ZNF676: variants seen among roughly 807,000 people sequenced by gnomAD.
ZNF676 encodes the protein zinc finger protein 676.
ZNF676 carries 4 observed loss-of-function variants against 6.0 expected under a neutral mutation model. That is an observed-to-expected ratio of 0.67 (90% CI 0.33 to 1.53). ZNF676 has a LOEUF of 1.53. ZNF676 is among the 40% of genes most tolerant of loss of function. The pLI, the probability that ZNF676 is intolerant of heterozygous loss-of-function variation, is 0.06. For missense variants in ZNF676, 644 were observed against 679.7 expected, an observed-to-expected ratio of 0.95 and a Z score of 0.58; for synonymous variants, 198 against 223.1, an observed-to-expected ratio of 0.89 and a Z score of 1.00.
At chr19:22,215,054 AAAAAAACAAC>A (rs2024169546) in intron 1 of ZNF676, among the ~76,000 whole-genome samples, 1 of 117,384 alleles carries the variant, frequency 8.5e-6, no homozygotes, top group African/African-American at 3.9e-5. Context: ...AAAAAAAAAA[AAAAAAACAAC>A]AAAAAACCAG....
the ZNF676 span, among the ~76,000 whole-genome samples, chr19:22,233,584 T>A: frequency 6.6e-6 from 1 of 152,256 alleles, no homozygotes; most frequent in African/African-American, 2.4e-5. Context: ...AGTTTATTAA[T>A]CTTTCTTCTT....
Position 22,205,018 on chromosome 19 carries a change from A to C in ZNF676, c.4-8292T>G, listed in dbSNP as rs74254866. ...ATTTCTCATTTATATTTTCTCTTACAAAAGCCAGGTCTCTGGACAAGTTCT... is the reference window on the plus strand; with the variant it reads ...ATTTCTCATTTATATTTTCTCTTACCAAAGCCAGGTCTCTGGACAAGTTCT... On this transcript the variant is annotated intron_variant, in intron 1 of 3. Transcript: ENST00000650058. Among the ~76,000 whole-genome samples, 15 of 152,284 alleles carry C rather than the reference A, an allele frequency of 9.9e-5. No homozygotes were observed. In the East Asian group the frequency reaches 2.9e-3, roughly 29 times the overall value.
chr19:22,259,064 T>C, the ZNF676 span, among the ~76,000 whole-genome samples: 9 of 152,176 alleles, frequency 5.9e-5, no homozygotes, highest in Non-Finnish European at 1.2e-4. Context: ...CAACTCATCC[T>C]ATTGCTGGGT....
At position 22,181,510 on chromosome 19, in the gene ZNF676, T is replaced by C; in HGVS notation, c.207A>G (p.Arg69=). The stretch of plus-strand genomic sequence containing the variant: ...TCTCATGTCCACATTTGTCATATCT[T>C]CTCAATATCATTTTTTGGAAAGAAT... ...IEDSFQKMIL[R]RYDKCGHENL... is the part of the protein sequence containing the mutation. Residue 69 remains arginine, a synonymous_variant, in exon 3 of 3, where the codon AGA becomes AGG. Coordinates refer to ENST00000397121, the MANE Select transcript of ZNF676 (RefSeq NM_001001411.3). The C allele has an allele frequency of 6.2e-7, 1 of 1,612,302 alleles. No individual in the cohort carries two copies. Among genetic ancestry groups the C allele is most frequent in the Non-Finnish European group, 8.5e-7 (1 of 1,179,336 alleles).
intron 1 of ZNF676, among the ~76,000 whole-genome samples, chr19:22,212,069 G>A (rs1213733535): frequency 3.3e-5 from 5 of 151,528 alleles, no homozygotes; most frequent in African/African-American, 4.8e-5. Context: ...GTGTGGTGGC[G>A]GGTGCCTGTA....
intron 1 of ZNF676, among the ~76,000 whole-genome samples, chr19:22,212,867 C>T (rs1304187727): frequency 5.3e-5 from 8 of 151,740 alleles, no homozygotes; most frequent in East Asian, 1.9e-4. Context: ...TGTGGGTGCA[C>T]GCCTGTAGTC....
chr19:22,206,592 T>C (rs2024078604), intron 1 of ZNF676, among the ~76,000 whole-genome samples: 1 of 152,010 alleles, frequency 6.6e-6, no homozygotes, highest in Non-Finnish European at 1.5e-5. Context: ...GGAGAATCAC[T>C]TGAACCTGGG....
intron 2 of ZNF676, among the ~76,000 whole-genome samples, chr19:22,184,192 T>A (rs990208634): frequency 6.6e-6 from 1 of 152,112 alleles, no homozygotes; most frequent in Admixed American, 6.5e-5. Context: ...GAACAGTGGA[T>A]GCAGCTCATG....
intron 1 of ZNF676, among the ~76,000 whole-genome samples, chr19:22,213,473 C>T (rs2024151543): frequency 6.6e-6 from 1 of 152,188 alleles, no homozygotes; most frequent in African/African-American, 2.4e-5. Flanking sequence ...AAAAACAGGG[C>T]ACCAGTAGAT....
At chr19:22,196,150 C>A (rs1472734911) in intron 1 of ZNF676, among the ~76,000 whole-genome samples, 1 of 152,086 alleles carries the variant, frequency 6.6e-6, no homozygotes, top group African/African-American at 2.4e-5. Flanking sequence ...AGTGTTGTGA[C>A]CAACTCAGCA....
chr19:22,189,963 C>T lies in ZNF676; in HGVS notation c.130+3053G>A, dbSNP rs146662751. ...TCAGCCATTGTGGAAGACAATGTGGCGATTCCTCAAGGATCTAGAACTAGA... is the reference window on the plus strand; with the variant it reads ...TCAGCCATTGTGGAAGACAATGTGGTGATTCCTCAAGGATCTAGAACTAGA... On this transcript the variant is annotated intron_variant, in intron 2 of 2. Transcript: ENST00000397121. Among the ~76,000 whole-genome samples, 130 of 152,160 alleles carry T rather than the reference C, an allele frequency of 8.5e-4. 1 individual carries two copies. Among genetic ancestry groups the T allele is most frequent in the African/African-American group, 2.8e-3 (117 of 41,520 alleles).
intron 1 of ZNF676, chr19:22,203,286 TAG>T (rs1415492767): frequency 6.5e-6 from 1 of 153,370 alleles, no homozygotes; most frequent in African/African-American, 2.4e-5. Flanking sequence ...TGAGTCCAGA[TAG>T]AGATAGCTCT....
At chr19:22,190,917 A>G (rs955840983) in intron 2 of ZNF676, among the ~76,000 whole-genome samples, 3 of 152,042 alleles carry the variant, frequency 2.0e-5, no homozygotes, top group Admixed American at 6.6e-5. Flanking sequence ...TATGAGATAG[A>G]TAGATATAAA....
chr19:22,251,338 T>G, the ZNF676 span, among the ~76,000 whole-genome samples: 2 of 152,196 alleles, frequency 1.3e-5, no homozygotes, highest in Admixed American at 1.3e-4. Flanking sequence ...AAAAATCATG[T>G]TTCAAGAACT....
chr19:22,234,409 CG>C, the ZNF676 span, among the ~76,000 whole-genome samples: 1 of 152,144 alleles, frequency 6.6e-6, no homozygotes. Context: ...TGCTCAAGCC[CG>C]ATCACATATA....
upstream of ZNF676, among the ~76,000 whole-genome samples, chr19:22,200,515 A>ATTTTTTTTTT (rs3035052): frequency 4.3e-4 from 46 of 105,848 alleles, 1 homozygote; most frequent in Non-Finnish European, 6.7e-4. Context: ...TGCTTCATCA[A>ATTTTTTTTTT]TTTTTTTTTT....
intron 2 of ZNF676, among the ~76,000 whole-genome samples, chr19:22,192,435 A>T (rs1334654118): frequency 2.0e-5 from 3 of 152,136 alleles, no homozygotes; most frequent in African/African-American, 7.2e-5. Flanking sequence ...CTTTCACAGT[A>T]ATGAAAAATA....
chr19:22,226,253 C>T, the ZNF676 span, among the ~76,000 whole-genome samples: 1 of 152,030 alleles, frequency 6.6e-6, no homozygotes, highest in African/African-American at 2.4e-5. Context: ...GCTCTCTATT[C>T]TGATTTATCA....
At chr19:22,209,257 A>G (rs997706420) in intron 1 of ZNF676, among the ~76,000 whole-genome samples, 13 of 152,022 alleles carry the variant, frequency 8.6e-5, no homozygotes, top group African/African-American at 2.7e-4. Flanking sequence ...GTGAGATTCC[A>G]TATCAAAACA....
Sources: allele counts gnomAD v4.1 joint callset (sites outside exome capture counted in the v4.1 genomes callset), GRCh38; gene constraint gnomAD v4.1.1; transcripts MANE v1.5; gene names NCBI Gene and HGNC (gene_info 2026-07-23, HGNC 2026-07-21).